The following PALS1 variants were observed in gnomAD, a reference collection of about 807,000 sequenced individuals.
The protein encoded by PALS1 is protein PALS1.
Under a neutral mutation model 78.9 loss-of-function variants are expected in PALS1, and 31 were observed. That is an observed-to-expected ratio of 0.39 (90% CI 0.30 to 0.53). The LOEUF is 0.53. Among genes scored for constraint, PALS1 ranks in the 20% least tolerant of loss-of-function variants. PALS1 has a pLI of 0.67. For synonymous variants in PALS1, 276 were observed against 270.9 expected (o/e 1.02, Z -0.18); for missense variants, 704 against 826.5 (o/e 0.85, Z 1.82).
intron 1 of PALS1, among the ~76,000 whole-genome samples, chr14:67,265,824 T>C: frequency 6.9e-6 from 1 of 143,966 alleles, no homozygotes; most frequent in East Asian, 2.0e-4. Flanking sequence ...GCCACTGCAC[T>C]CCAGCCTGGG....
At chr14:67,290,584 G>GA (rs1234885357) in intron 3 of PALS1, among the ~76,000 whole-genome samples, 2 of 152,236 alleles carry the variant, frequency 1.3e-5, no homozygotes, top group East Asian at 3.8e-4. Context: ...TTTAAAAAGA[G>GA]ACAGGATCTC....
In PALS1 at chr14:67,267,343, C is replaced by T. The variant is rs572582579; in HGVS notation, c.-236-2358C>T. Among the ~76,000 whole-genome samples the T allele has an allele frequency of 2.6e-5, 4 of 152,188 alleles. No individual in the cohort carries two copies. The East Asian group carries it at 7.8e-4, about 30-fold the overall frequency. On this transcript the variant is annotated intron_variant, in intron 1 of 14. Transcript: ENST00000261681. ...GTGCAATCTTGGCTCACTGCAACCT[C>T]TGCCTCCCAGGTTCAAGTGATTCTC...
At chr14:67,329,835 AAAATAAATAAATAAATAAAT>A (rs199845948) in intron 14 of PALS1, among the ~76,000 whole-genome samples, 18 of 96,956 alleles carry the variant, frequency 1.9e-4, no homozygotes, top group East Asian at 1.5e-3. Flanking sequence ...CTTGGTCTCA[AAAATAAATAAATAAATAAAT>A]AAATAAATAA....
At chr14:67,255,570 C>A (rs1227087674) in intron 1 of PALS1, among the ~76,000 whole-genome samples, 8 of 152,150 alleles carry the variant, frequency 5.3e-5, no homozygotes, top group Non-Finnish European at 1.2e-4. Context: ...TTTAGAAATT[C>A]TTATTTTATT....
intron 4 of PALS1, 95 bp from the exon 5 acceptor site, chr14:67,301,294 A>AT: frequency 8.7e-6 from 5 of 576,530 alleles, no homozygotes; most frequent in Non-Finnish European, 1.5e-5. Flanking sequence ...TATTTTTATT[A>AT]TTTTAATTTG....
At chr14:67,275,686 A>G (rs2084491801) in intron 2 of PALS1, among the ~76,000 whole-genome samples, 1 of 152,200 alleles carries the variant, frequency 6.6e-6, no homozygotes, top group Non-Finnish European at 1.5e-5. Flanking sequence ...CAATAGTTTC[A>G]GAAGGAATGG....
At chr14:67,332,433 A>G (rs920750494) in intron 14 of PALS1, among the ~76,000 whole-genome samples, 1 of 152,234 alleles carries the variant, frequency 6.6e-6, no homozygotes, top group African/African-American at 2.4e-5. Flanking sequence ...TATTAGGAAG[A>G]GGTTATAGTG....
chr14:67,315,279 T>TAA (rs1220456502), intron 9 of PALS1, among the ~76,000 whole-genome samples: 6 of 141,568 alleles, frequency 4.2e-5, no homozygotes, highest in Admixed American at 7.0e-5. Context: ...TTTTTTTTTT[T>TAA]TTTTTTTTTT....
At chr14:67,244,244 T>C (rs904744417) in intron 1 of PALS1, among the ~76,000 whole-genome samples, 1 of 152,264 alleles carries the variant, frequency 6.6e-6, no homozygotes, top group Non-Finnish European at 1.5e-5. Context: ...GTGGACGCTT[T>C]CCTAGAATGT....
chr14:67,252,318 A>ATTTTAT (rs369454597), intron 1 of PALS1, among the ~76,000 whole-genome samples: 2,190 of 152,000 alleles, frequency 0.014, 45 homozygotes, highest in African/African-American at 0.049. Context: ...TACCTAGCTA[A>ATTTTAT]TTTTATTTTT....
chr14:67,248,988 A>G (rs1360192797), intron 1 of PALS1, among the ~76,000 whole-genome samples: 2 of 151,068 alleles, frequency 1.3e-5, no homozygotes, highest in East Asian at 3.9e-4. Flanking sequence ...TTTGAGACCA[A>G]GTCTCACTCT....
chr14:67,311,691 A>G (rs2085092416), intron 8 of PALS1, among the ~76,000 whole-genome samples: 1 of 152,220 alleles, frequency 6.6e-6, no homozygotes, highest in Non-Finnish European at 1.5e-5. Context: ...AAAGTTCATG[A>G]GAGTTACTAC....
Position 67,335,698 on chromosome 14 carries a change from C to T in PALS1, c.*2742C>T, listed in dbSNP as rs2085520809. On this transcript the variant is annotated 3_prime_UTR_variant, in exon 15 of 15. Transcript: ENST00000261681. ...AGCCTTAATAAAGGTAACCTTCTGA[C>T]ATCTGTTGTTAATCCCCCTTTGTAC... is the stretch of plus-strand genomic sequence containing the variant. The T allele has an allele frequency of 6.6e-6, 1 of 152,628 alleles. No individual in the cohort carries two copies. The highest frequency in any genetic ancestry group is 2.1e-4 in the South Asian group (1 of 4,830). The allele number at this position is 152,628 out of a possible 1,614,324, so 9.5% of individuals were successfully genotyped here. A position where few individuals can be genotyped will look rare whatever the true frequency, so the allele number is the denominator to read the frequency against.
At chr14:67,242,188 A>T (rs1202166728) in intron 1 of PALS1, among the ~76,000 whole-genome samples, 1 of 152,208 alleles carries the variant, frequency 6.6e-6, no homozygotes, top group Non-Finnish European at 1.5e-5. Flanking sequence ...TAACTTTCTA[A>T]TGATCATAAC....
At chr14:67,293,229 C>A (rs1244202649) in intron 4 of PALS1, among the ~76,000 whole-genome samples, 1 of 152,094 alleles carries the variant, frequency 6.6e-6, no homozygotes, top group East Asian at 1.9e-4. Flanking sequence ...GACTTAAATT[C>A]TTGTTTCTGA....
intron 8 of PALS1, among the ~76,000 whole-genome samples, chr14:67,306,766 A>G (rs1457875287): frequency 1.3e-5 from 2 of 152,214 alleles, no homozygotes; most frequent in Non-Finnish European, 2.9e-5. Flanking sequence ...CTATTATTAA[A>G]GCTCATTGAG....
At chr14:67,310,255 C>T (rs1006791833) in intron 8 of PALS1, among the ~76,000 whole-genome samples, 5 of 152,010 alleles carry the variant, frequency 3.3e-5, no homozygotes, top group African/African-American at 1.2e-4. Context: ...TTAATAAAAA[C>T]TGTTTTTTCA....
At chr14:67,306,395 A>C (rs1389681450) in intron 8 of PALS1, among the ~76,000 whole-genome samples, 1 of 151,640 alleles carries the variant, frequency 6.6e-6, no homozygotes, top group Non-Finnish European at 1.5e-5. Flanking sequence ...CCCAGGCTGG[A>C]GTACAGTGGT....
intron 1 of PALS1, among the ~76,000 whole-genome samples, chr14:67,268,714 G>A (rs947087233): frequency 3.3e-5 from 5 of 152,150 alleles, no homozygotes; most frequent in Admixed American, 6.5e-5. Context: ...ACCAGAGGTC[G>A]GGATTTGCCT....
Sources: gnomAD v4.1 joint callset for allele counts (sites outside exome capture counted in the v4.1 genomes callset) on GRCh38, gnomAD v4.1.1 for gene constraint, MANE v1.5 for transcripts, NCBI Gene and HGNC (gene_info 2026-07-23, HGNC 2026-07-21) for gene names.